BIN1: variants seen among roughly 807,000 people sequenced by gnomAD.
The protein encoded by BIN1 is myc box-dependent-interacting protein 1.
A neutral mutation model predicts 82.0 loss-of-function variants in BIN1; 53 were observed. The observed-to-expected ratio is 0.65, with a 90% CI of 0.52 to 0.81. The LOEUF (loss-of-function observed/expected upper bound fraction) is 0.81, where lower values mean the gene tolerates loss of function less well. Ranked by LOEUF, BIN1 falls within the 40% of genes least tolerant of loss-of-function variation. BIN1 has a pLI of 0.00. For missense variants in BIN1, 642 were observed against 784.4 expected (o/e 0.82, Z 2.17); for synonymous variants, 302 against 328.0 (o/e 0.92, Z 0.86).
In BIN1 at chr2:127,100,245, C is replaced by T. The variant is rs116300475; in HGVS notation, c.84+6615G>A. ...CTTGCACCTAGAAACCCCAGGTGTT[C>T]CCATCACCCCAGAGTCTACCACACA... On this transcript the variant is annotated intron_variant, in intron 1 of 18. Transcript: ENST00000316724. 2.4e-3 allele frequency among the ~76,000 whole-genome samples: 358 copies of T among 152,308 alleles called. 2 individuals are homozygous for T. The highest frequency in any genetic ancestry group is 8.3e-3 in the African/African-American group (346 of 41,572).
chr2:127,066,412 C>T (rs1419871514), intron 7 of BIN1, among the ~76,000 whole-genome samples: 3 of 152,248 alleles, frequency 2.0e-5, no homozygotes, highest in Non-Finnish European at 4.4e-5. Flanking sequence ...CCAACCACAC[C>T]TGTCCCAGGA....
At chr2:127,085,651 C>T (rs902110296) in intron 1 of BIN1, among the ~76,000 whole-genome samples, 1 of 151,866 alleles carries the variant, frequency 6.6e-6, no homozygotes, top group African/African-American at 2.4e-5. Context: ...AAACCAAGAG[C>T]GAGCCCAGGG....
intron 1 of BIN1, among the ~76,000 whole-genome samples, chr2:127,095,626 A>G (rs76827624): frequency 0.037 from 5,596 of 151,520 alleles, 255 homozygotes; most frequent in East Asian, 0.19. Flanking sequence ...CCTCCTTCCC[A>G]CTCCCTGGAC....
chr2:127,082,081 G>T lies in BIN1; in HGVS notation c.85-5375C>A, dbSNP rs1041067813. On this transcript the variant is annotated intron_variant, in intron 1 of 18. Coordinates refer to ENST00000316724, the MANE Select transcript of BIN1 (RefSeq NM_139343.3). This position sits in a 1 kb window ranked among gnomAD's most constrained non-coding sequence, Gnocchi z 6.1. ...GGCTTTCTCTGGGCCCAGTCCCGAGGGAGACACCCCAAGAGGCGAAAGGGA... is the reference window on the plus strand; with the variant it reads ...GGCTTTCTCTGGGCCCAGTCCCGAGTGAGACACCCCAAGAGGCGAAAGGGA... Among the ~76,000 whole-genome samples, 1 of 152,132 alleles carries T rather than the reference G, an allele frequency of 6.6e-6. No homozygotes were observed. Among genetic ancestry groups the T allele is most frequent in the African/African-American group, 2.4e-5 (1 of 41,422 alleles).
At chr2:127,076,483 T>G in intron 2 of BIN1, 143 bp downstream of exon 2, 1 of 935,770 alleles carries the variant, frequency 1.1e-6, no homozygotes, top group East Asian at 2.5e-5. Context: ...CTCCCTCCTC[T>G]AGGAAGTCTT....
chr2:127,083,078 C>CTT (rs112344101), intron 1 of BIN1, among the ~76,000 whole-genome samples: 16 of 142,880 alleles, frequency 1.1e-4, no homozygotes, highest in Non-Finnish European at 2.3e-4. Context: ...TTGCTTTTTT[C>CTT]TTTTTTTTTT....
intron 1 of BIN1, among the ~76,000 whole-genome samples, chr2:127,089,902 G>A (rs545904843): frequency 5.8e-4 from 88 of 152,100 alleles, no homozygotes; most frequent in African/African-American, 2.1e-3. Context: ...CAGCAGAGCC[G>A]CTAGCACTGG....
At chr2:127,073,711 C>T (rs1302108953) in intron 2 of BIN1, among the ~76,000 whole-genome samples, 1 of 152,174 alleles carries the variant, frequency 6.6e-6, no homozygotes, top group Non-Finnish European at 1.5e-5. Context: ...CTTGGGTGGG[C>T]CATGGGGACA....
At chr2:127,104,218 T>G (rs1680720693) in intron 1 of BIN1, among the ~76,000 whole-genome samples, 1 of 152,228 alleles carries the variant, frequency 6.6e-6, no homozygotes, top group Non-Finnish European at 1.5e-5. Flanking sequence ...TTCAAAAACA[T>G]TCACTAAGCA....
At chr2:127,095,358 C>G (rs1679456154) in intron 1 of BIN1, among the ~76,000 whole-genome samples, 1 of 152,174 alleles carries the variant, frequency 6.6e-6, no homozygotes, top group African/African-American at 2.4e-5. Context: ...CTGTCGGTAC[C>G]CAGGTCCCCT....
Position 127,048,437 on chromosome 2 carries a change from G to T in BIN1, c.*89C>A. The T allele has an allele frequency of 3.0e-6, 4 of 1,320,320 alleles. No homozygotes were observed. The highest frequency in any genetic ancestry group is 4.3e-6 in the Non-Finnish European group (4 of 921,688). The allele number at this position is 1,320,320 out of a possible 1,614,324, so 81.8% of individuals were successfully genotyped here. A position where few individuals can be genotyped will look rare whatever the true frequency, so the allele number is the denominator to read the frequency against. Reference sequence around the variant, plus strand: ...GATTTCCCTTTGCTCTTCAAAAGATGAAAAACGAAAACAAAACAAAAAAAA... The same window carrying T: ...GATTTCCCTTTGCTCTTCAAAAGATTAAAAACGAAAACAAAACAAAAAAAA... On this transcript the variant is annotated 3_prime_UTR_variant, in exon 19 of 19. Transcript: ENST00000316724.
intron 1 of BIN1, among the ~76,000 whole-genome samples, chr2:127,091,709 G>A (rs1372049788): frequency 6.7e-6 from 1 of 149,884 alleles, no homozygotes; most frequent in African/African-American, 2.5e-5. Flanking sequence ...GGCAATGTAA[G>A]GAGACCCCAT....
intron 10 of BIN1, among the ~76,000 whole-genome samples, chr2:127,061,339 G>A (rs1461336643): frequency 2.0e-5 from 3 of 151,988 alleles, no homozygotes; most frequent in Non-Finnish European, 2.9e-5. Flanking sequence ...ACCACCACCC[G>A]ATACCCTCAT....
In BIN1 at chr2:127,059,495, C is replaced by T. The variant is rs1055601916; in HGVS notation, c.858-340G>A. Reference sequence around the variant, plus strand: ...ACCACCCCACAGGCTCCATGGGGTCCACCAGGGCCCATGCTGACAGCCCAA... The same window carrying T: ...ACCACCCCACAGGCTCCATGGGGTCTACCAGGGCCCATGCTGACAGCCCAA... On this transcript the variant is annotated intron_variant, in intron 10 of 18. Transcript: ENST00000316724. This position sits in a 1 kb window ranked among gnomAD's most constrained non-coding sequence, Gnocchi z 6.7. Among the ~76,000 whole-genome samples the T allele has an allele frequency of 2.6e-5, 4 of 151,996 alleles. No individual in the cohort carries two copies. The highest frequency in any genetic ancestry group is 9.7e-5 in the African/African-American group (4 of 41,352).
intron 1 of BIN1, among the ~76,000 whole-genome samples, chr2:127,095,262 T>C (rs1266696975): frequency 6.6e-6 from 1 of 152,188 alleles, no homozygotes; most frequent in Non-Finnish European, 1.5e-5. Flanking sequence ...TGCAACTCTT[T>C]CTTTGTGGGA....
intron 15 of BIN1, 54 bp from the exon 16 acceptor site, chr2:127,051,297 C>A (rs1682918095): frequency 1.3e-6 from 2 of 1,586,212 alleles, no homozygotes; most frequent in African/African-American, 2.7e-5. Flanking sequence ...ACAGCCAGGA[C>A]ACAGGAAACA....
intron 1 of BIN1, among the ~76,000 whole-genome samples, chr2:127,078,580 ATGT>A (rs1021074593): frequency 3.9e-5 from 6 of 152,140 alleles, no homozygotes; most frequent in Admixed American, 3.9e-4. Flanking sequence ...GCCACCGATG[ATGT>A]TGTGCTACAG....
chr2:127,056,864 C>G (rs1040725053), intron 12 of BIN1, among the ~76,000 whole-genome samples: 3 of 152,258 alleles, frequency 2.0e-5, no homozygotes, highest in African/African-American at 7.2e-5. Context: ...AGAGGCACCT[C>G]CACGGCTGAG....
rs1229360388 is a variant in BIN1 at position 127,068,042 on chromosome 2, C to G, written c.612+121G>C. 3.0e-6 allele frequency: 3 copies of G among 990,860 alleles called. No homozygotes were observed. The highest frequency in any genetic ancestry group is 4.7e-6 in the Non-Finnish European group (3 of 644,240). 61.4% of individuals were successfully genotyped at this position (990,860 alleles called of 1,614,324 possible). A position where few individuals can be genotyped will look rare whatever the true frequency, so the allele number is the denominator to read the frequency against. On this transcript the variant is annotated intron_variant, in intron 7 of 18. Coordinates refer to ENST00000316724, the MANE Select transcript of BIN1 (RefSeq NM_139343.3). The surrounding 1 kb of genome is among the most constrained non-coding windows in gnomAD (Gnocchi z 4.9). ...TGAAGCAGAGCTCTCCCAGCAGAGG[C>G]CTTTGAAAAACCCTGCCCCAGCTGG...
Sources: allele counts gnomAD v4.1 joint callset (sites outside exome capture counted in the v4.1 genomes callset), GRCh38; gene constraint gnomAD v4.1.1; non-coding constraint Gnocchi (gnomAD v3.1); transcripts MANE v1.5; gene names NCBI Gene and HGNC (gene_info 2026-07-23, HGNC 2026-07-21).